TBCA: variants seen among roughly 807,000 people sequenced by gnomAD.
TBCA encodes tubulin-specific chaperone A.
TBCA carries 6 observed loss-of-function variants against 15.8 expected under a neutral mutation model. The ratio of observed to expected loss-of-function variants is 0.38; its 90% confidence interval spans 0.21 to 0.75. The LOEUF (loss-of-function observed/expected upper bound fraction) is 0.75. Ranked by LOEUF, TBCA falls within the 30% of genes least tolerant of loss-of-function variation. TBCA has a pLI of 0.46. For synonymous variants in TBCA, 32 were observed against 42.3 expected (o/e 0.76, Z 0.94); for missense variants, 90 against 131.2 (o/e 0.69, Z 1.53).
chr5:77,744,531 C>CG (rs145894415), intron 1 of TBCA, among the ~76,000 whole-genome samples: 2 of 82,968 alleles, frequency 2.4e-5, no homozygotes. Context: ...TCTTATTCAC[C>CG]TTTTTTTTTT....
chr5:77,750,166 TA>T (rs994350763), intron 1 of TBCA, among the ~76,000 whole-genome samples: 10 of 150,592 alleles, frequency 6.6e-5, no homozygotes. Context: ...AGAGCACAAA[TA>T]TATATATATA....
At chr5:77,774,984 A>AT (rs1276425342) in intron 1 of TBCA, among the ~76,000 whole-genome samples, 37 of 21,838 alleles carry the variant, frequency 1.7e-3, no homozygotes, top group African/African-American at 7.0e-3. Flanking sequence ...AAAGATTAAA[A>AT]AAAAAAAAAA....
chr5:77,702,237 C>T (rs1388620390), intron 2 of TBCA, among the ~76,000 whole-genome samples: 2 of 152,048 alleles, frequency 1.3e-5, no homozygotes, highest in African/African-American at 4.8e-5. Flanking sequence ...TGTACATGAA[C>T]ATTCACAGCA....
chr5:77,772,587 T>A (rs1049995363), intron 1 of TBCA, among the ~76,000 whole-genome samples: 2 of 152,156 alleles, frequency 1.3e-5, no homozygotes, highest in African/African-American at 4.8e-5. Context: ...GGACAATATT[T>A]ATGGAGTTAG....
chr5:77,756,068 G>GT (rs1378974731), intron 1 of TBCA, among the ~76,000 whole-genome samples: 1 of 152,138 alleles, frequency 6.6e-6, no homozygotes, highest in African/African-American at 2.4e-5. Context: ...CGTTCTCCTT[G>GT]TTTTTCCTCA....
At chr5:77,727,787 T>C (rs1161455541) in intron 1 of TBCA, among the ~76,000 whole-genome samples, 1 of 152,080 alleles carries the variant, frequency 6.6e-6, no homozygotes, top group Admixed American at 6.6e-5. Context: ...TTCATTATAA[T>C]AAAATAGTAA....
chr5:77,750,660 A>C (rs150503166), intron 1 of TBCA, among the ~76,000 whole-genome samples: 1 of 152,370 alleles, frequency 6.6e-6, no homozygotes, highest in Non-Finnish European at 1.5e-5. Context: ...GGCCAACAAT[A>C]TCACCTTTGT....
intron 1 of TBCA, among the ~76,000 whole-genome samples, chr5:77,775,551 G>C (rs979865758): frequency 6.6e-6 from 1 of 152,210 alleles, no homozygotes. Context: ...ATTAAGACCT[G>C]TCTCAGATAC....
intron 1 of TBCA, among the ~76,000 whole-genome samples, chr5:77,753,910 C>T (rs1286716093): frequency 6.6e-6 from 1 of 152,102 alleles, no homozygotes; most frequent in Non-Finnish European, 1.5e-5. Context: ...AGGCATGCAC[C>T]ACCACACCCG....
At chr5:77,744,947 A>C (rs964694586) in intron 1 of TBCA, among the ~76,000 whole-genome samples, 1 of 152,308 alleles carries the variant, frequency 6.6e-6, no homozygotes, top group African/African-American at 2.4e-5. Flanking sequence ...TCCTGGCTCT[A>C]CCACTTCCCA....
At chr5:77,758,462 T>G (rs569263773) in intron 1 of TBCA, among the ~76,000 whole-genome samples, 1 of 152,306 alleles carries the variant, frequency 6.6e-6, no homozygotes, top group Admixed American at 6.5e-5. Flanking sequence ...TCATGTGAAA[T>G]CTTTAGTGTT....
At chr5:77,745,465 C>T (rs1161815509) in intron 1 of TBCA, among the ~76,000 whole-genome samples, 1 of 152,172 alleles carries the variant, frequency 6.6e-6, no homozygotes, top group Non-Finnish European at 1.5e-5. Context: ...ACAAGTATCA[C>T]AAATTTCACA....
At chr5:77,765,363 T>C (rs1747746021) in intron 1 of TBCA, among the ~76,000 whole-genome samples, 1 of 152,210 alleles carries the variant, frequency 6.6e-6, no homozygotes, top group Admixed American at 6.5e-5. Flanking sequence ...TTGGAAGCTA[T>C]CAGCCTAGTA....
intron 1 of TBCA, among the ~76,000 whole-genome samples, chr5:77,750,504 A>C (rs1200497288): frequency 6.6e-6 from 1 of 152,212 alleles, no homozygotes; most frequent in African/African-American, 2.4e-5. Context: ...ATCAGAGAGC[A>C]GACTTCTGAT....
intron 2 of TBCA, among the ~76,000 whole-genome samples, chr5:77,702,282 C>A (rs747622189): frequency 3.3e-5 from 5 of 152,066 alleles, no homozygotes; most frequent in Non-Finnish European, 7.4e-5. Flanking sequence ...TGGAAACAAT[C>A]CAAATGTTCA....
chr5:77,768,131 G>T (rs1747827174), intron 1 of TBCA, among the ~76,000 whole-genome samples: 1 of 152,122 alleles, frequency 6.6e-6, no homozygotes, highest in Non-Finnish European at 1.5e-5. Flanking sequence ...GGAACTATAA[G>T]AAATAAATTT....
At chr5:77,730,561 AT>A (rs780887621) in intron 1 of TBCA, among the ~76,000 whole-genome samples, 357 of 76,608 alleles carry the variant, frequency 4.7e-3, no homozygotes, top group African/African-American at 5.6e-3. Context: ...GCAAGCTCAA[AT>A]TTTTTTTTTT....
At chr5:77,695,770 T>C (rs1333047646) in intron 2 of TBCA, among the ~76,000 whole-genome samples, 1 of 152,226 alleles carries the variant, frequency 6.6e-6, no homozygotes, top group East Asian at 1.9e-4. Flanking sequence ...TAATGTTGAC[T>C]ATGATAAATC....
chr5:77,748,012 C>T (rs1399365222), intron 1 of TBCA, among the ~76,000 whole-genome samples: 2 of 152,070 alleles, frequency 1.3e-5, no homozygotes, highest in Non-Finnish European at 2.9e-5. Context: ...ATATGCAAAG[C>T]CTCTTGAGAT....
Sources: allele counts gnomAD v4.1 joint callset (sites outside exome capture counted in the v4.1 genomes callset), GRCh38; gene constraint gnomAD v4.1.1; transcripts MANE v1.5; gene names NCBI Gene and HGNC (gene_info 2026-07-23, HGNC 2026-07-21).